EYA4: variants seen among roughly 807,000 people sequenced by gnomAD.
EYA4 encodes the protein protein phosphatase EYA4.
In EYA4, 31 loss-of-function variants were observed where a neutral mutation model predicts 87.9. The observed-to-expected ratio is 0.35, with a 90% CI of 0.27 to 0.48. The LOEUF (loss-of-function observed/expected upper bound fraction) is 0.48. EYA4 is among the 20% of genes least tolerant of loss of function. EYA4 has a pLI of 0.99. For missense variants in EYA4, 678 were observed against 761.4 expected (o/e 0.89, Z 1.29); for synonymous variants, 263 against 270.6 (o/e 0.97, Z 0.28).
intron 3 of EYA4, among the ~76,000 whole-genome samples, chr6:133,427,240 A>T (rs1035401517): frequency 1.3e-5 from 2 of 152,220 alleles, no homozygotes; most frequent in African/African-American, 4.8e-5. Flanking sequence ...TCTTGAGTGG[A>T]ATTACAAAAC....
chr6:133,295,745 A>G (rs189190606), intron 2 of EYA4, among the ~76,000 whole-genome samples: 40 of 152,312 alleles, frequency 2.6e-4, no homozygotes, highest in Non-Finnish European at 5.4e-4. Context: ...GTCAGACCGC[A>G]GGGTCTTTGT....
intron 2 of EYA4, 136 bp from the exon 3 acceptor site, chr6:133,382,256 A>G: frequency 2.7e-6 from 2 of 752,470 alleles, no homozygotes; most frequent in Admixed American, 1.8e-5. Flanking sequence ...TTAGTACTGT[A>G]TGCTGCTGCT....
rs776692903 is a variant in EYA4, at chr6:133,468,795, A to T, written c.970+64A>T. 1.9e-5 allele frequency: 29 copies of T among 1,536,102 alleles called. No individual in the cohort carries two copies. In the Admixed American group the frequency reaches 4.9e-4, roughly 26 times the overall value. ...TTGCAATATCTAATAAAACGGAGAAAGTGGACATTCCAAAAACATGGCGGA... is the reference window on the plus strand; with the variant it reads ...TTGCAATATCTAATAAAACGGAGAATGTGGACATTCCAAAAACATGGCGGA... On this transcript the variant is annotated intron_variant, in intron 11 of 19. Transcript: ENST00000355286.
At chr6:133,281,429 A>G (rs1297120931) in intron 2 of EYA4, among the ~76,000 whole-genome samples, 1 of 152,192 alleles carries the variant, frequency 6.6e-6, no homozygotes, top group African/African-American at 2.4e-5. Context: ...ATGATTTCTC[A>G]TATGTAAGCG....
intron 5 of EYA4, among the ~76,000 whole-genome samples, chr6:133,455,187 G>C (rs562939591): frequency 1.9e-4 from 29 of 152,216 alleles, no homozygotes; most frequent in African/African-American, 6.5e-4. Flanking sequence ...TATTGATAAG[G>C]TATAACCATA....
intron 3 of EYA4, among the ~76,000 whole-genome samples, chr6:133,406,961 A>G (rs1788761705): frequency 6.6e-6 from 1 of 152,208 alleles, no homozygotes; most frequent in Admixed American, 6.5e-5. Flanking sequence ...TCTAGAATAA[A>G]GTAAGCACTT....
intron 1 of EYA4, among the ~76,000 whole-genome samples, chr6:133,249,638 C>T (rs1044782214): frequency 1.3e-5 from 2 of 152,216 alleles, no homozygotes; most frequent in African/African-American, 4.8e-5. Context: ...ACACCTTGGA[C>T]ATTTCCACTT....
chr6:133,473,754 C>A (rs1318146178), intron 11 of EYA4, among the ~76,000 whole-genome samples: 1 of 151,906 alleles, frequency 6.6e-6, no homozygotes, highest in Non-Finnish European at 1.5e-5. Context: ...CTAGCCTTAG[C>A]CTCCCTGGGT....
chr6:133,518,093 G>A (rs969890350), intron 17 of EYA4, among the ~76,000 whole-genome samples: 1 of 152,094 alleles, frequency 6.6e-6, no homozygotes, highest in Non-Finnish European at 1.5e-5. Flanking sequence ...TGGAGCACGA[G>A]GACCCCTGAG....
chr6:133,381,075 CTTTTTTTT>C (rs5880181), intron 2 of EYA4, among the ~76,000 whole-genome samples: 3 of 96,844 alleles, frequency 3.1e-5, no homozygotes, highest in East Asian at 3.2e-4. Flanking sequence ...TTTTTTTTTT[CTTTTTTTT>C]TTTTTTTTTT....
At chr6:133,397,701 C>A (rs2128507753) in intron 3 of EYA4, among the ~76,000 whole-genome samples, 1 of 152,210 alleles carries the variant, frequency 6.6e-6, no homozygotes, top group African/African-American at 2.4e-5. Context: ...CAAGACTGGG[C>A]AATTTACAAA....
At chr6:133,456,808 ATGCAT>A (rs1793952500) in intron 6 of EYA4, among the ~76,000 whole-genome samples, 160 bp downstream of exon 6, 1 of 152,218 alleles carries the variant, frequency 6.6e-6, no homozygotes, top group African/African-American at 2.4e-5. Context: ...TCATAGCAGT[ATGCAT>A]TGTTATAAAT....
intron 2 of EYA4, among the ~76,000 whole-genome samples, chr6:133,357,134 C>T (rs1436726628): frequency 9.9e-5 from 15 of 151,228 alleles, no homozygotes; most frequent in African/African-American, 3.4e-4. Context: ...AGCCGGGCTT[C>T]GTGGCGGGCG....
chr6:133,479,678 A>G (rs1248862296), intron 11 of EYA4, among the ~76,000 whole-genome samples: 6 of 152,176 alleles, frequency 3.9e-5, no homozygotes. Flanking sequence ...TGTCTTGGAA[A>G]TTGTCACTTT....
intron 1 of EYA4, among the ~76,000 whole-genome samples, chr6:133,273,853 T>G (rs1225067800): frequency 1.3e-5 from 2 of 152,122 alleles, no homozygotes; most frequent in Non-Finnish European, 2.9e-5. Flanking sequence ...GTTTGGTATT[T>G]GCACAGGTAT....
chr6:133,381,333 G>C (rs1786200639), intron 2 of EYA4, among the ~76,000 whole-genome samples: 1 of 151,998 alleles, frequency 6.6e-6, no homozygotes, highest in Non-Finnish European at 1.5e-5. Flanking sequence ...GGGTTTTTGT[G>C]AGTTTGTTTG....
chr6:133,496,193 AG>A (rs1406150457), intron 13 of EYA4, among the ~76,000 whole-genome samples: 1 of 152,128 alleles, frequency 6.6e-6, no homozygotes, highest in Non-Finnish European at 1.5e-5. Flanking sequence ...TATTTCTGGG[AG>A]GGGGGAAAAG....
chr6:133,375,706 CCTGGAATAAAG>C (rs1785625221), intron 2 of EYA4, among the ~76,000 whole-genome samples: 1 of 151,574 alleles, frequency 6.6e-6, no homozygotes. Flanking sequence ...GACAGCTATT[CCTGGAATAAAG>C]CTGGAATAAT....
At chr6:133,480,690 A>G (rs1361285344) in intron 11 of EYA4, among the ~76,000 whole-genome samples, 1 of 152,216 alleles carries the variant, frequency 6.6e-6, no homozygotes, top group East Asian at 1.9e-4. Flanking sequence ...TATTGGGGCA[A>G]TTAACATAGA....
Sources: gnomAD v4.1 joint callset for allele counts (sites outside exome capture counted in the v4.1 genomes callset) on GRCh38, gnomAD v4.1.1 for gene constraint, MANE v1.5 for transcripts, NCBI Gene and HGNC (gene_info 2026-07-23, HGNC 2026-07-21) for gene names.